The following RUNX1 variants were observed in gnomAD, a reference collection of about 807,000 sequenced individuals.
RUNX1 encodes the protein RUNX family transcription factor 1.
In RUNX1, 19 loss-of-function variants were observed where a neutral mutation model predicts 42.8. That is an observed-to-expected ratio of 0.44 (90% CI 0.31 to 0.65). The LOEUF (loss-of-function observed/expected upper bound fraction) is 0.65, where lower values mean the gene tolerates loss of function less well. Ranked by LOEUF, RUNX1 falls within the 30% of genes least tolerant of loss-of-function variation. The pLI is 0.07. For synonymous variants in RUNX1, 271 were observed against 289.4 expected, an observed-to-expected ratio of 0.94 and a Z score of 0.64; for missense variants, 528 against 672.0, an observed-to-expected ratio of 0.79 and a Z score of 2.37.
intron 2 of RUNX1, among the ~76,000 whole-genome samples, chr21:34,965,367 T>C (rs530916174): frequency 5.3e-5 from 8 of 152,296 alleles, no homozygotes; most frequent in Admixed American, 2.6e-4. Context: ...AGCGTTTTTA[T>C]GCAATCCTGA....
Position 35,037,475 on chromosome 21 carries a change from G to A in RUNX1, c.58+11367C>T, listed in dbSNP as rs1441331755. On this transcript the variant is annotated intron_variant, in intron 2 of 8. Coordinates refer to ENST00000675419, the MANE Select transcript of RUNX1 (RefSeq NM_001754.5). Reference sequence around the variant, plus strand: ...CCCCAGCTTGGTGCCACCCCACAGCGTCGCCTCCTGTCCATGGGGCCTTGG... The same window carrying A: ...CCCCAGCTTGGTGCCACCCCACAGCATCGCCTCCTGTCCATGGGGCCTTGG... 2.7e-4 allele frequency among the ~76,000 whole-genome samples: 41 copies of A among 152,200 alleles called. 1 individual carries two copies. Among genetic ancestry groups the A allele is most frequent in the Admixed American group, 2.4e-3 (37 of 15,278 alleles).
rs113782752 is a variant in RUNX1 at position 34,960,100 on chromosome 21, G to A, written c.59-67137C>T. ...CAGGCAGGGGTCCAGCACCAGATCG[G>A]GGCATCGGTCACAAGAGAGAAGCTT... On this transcript the variant is annotated intron_variant, in intron 2 of 8. Transcript: ENST00000675419. 9.6e-3 allele frequency among the ~76,000 whole-genome samples: 1,467 copies of A among 152,262 alleles called. 24 individuals are homozygous for A. The highest frequency in any genetic ancestry group is 0.029 in the African/African-American group (1,207 of 41,546).
chr21:34,829,375 T>G (rs2057032610), intron 7 of RUNX1, among the ~76,000 whole-genome samples: 1 of 152,214 alleles, frequency 6.6e-6, no homozygotes, highest in Non-Finnish European at 1.5e-5. Flanking sequence ...AGAAGAAATA[T>G]TTCATCACTA....
intron 3 of RUNX1, among the ~76,000 whole-genome samples, chr21:34,890,529 C>CTG (rs926492171): frequency 1.3e-5 from 2 of 152,104 alleles, no homozygotes; most frequent in Non-Finnish European, 2.9e-5. Context: ...TCTTGGCTAT[C>CTG]TGTGCTTCAG....
chr21:34,901,383 C>CGTGCCTG lies in RUNX1; in HGVS notation c.59-8427_59-8421dup, dbSNP rs2058176387. On this transcript the variant is annotated intron_variant, in intron 2 of 8. Transcript: ENST00000675419. This position sits in a 1 kb window ranked among gnomAD's most constrained non-coding sequence, Gnocchi z 4.3. Reference sequence around the variant, plus strand: ...AAAGTAGCTGGGCGTGGTGGCGGCGCGTGCCTGTAGTCCCAGCTACTCGAG... The same window carrying CGTGCCTG: ...AAAGTAGCTGGGCGTGGTGGCGGCGCGTGCCTGGTGCCTGTAGTCCCAGCTACTCGAG... Among the ~76,000 whole-genome samples, 1 of 151,980 alleles carries CGTGCCTG rather than the reference C, an allele frequency of 6.6e-6. No homozygotes were observed. The highest frequency in any genetic ancestry group is 6.6e-5 in the Admixed American group (1 of 15,252).
intron 7 of RUNX1, among the ~76,000 whole-genome samples, chr21:34,820,194 T>A (rs1473652642): frequency 1.3e-5 from 2 of 152,040 alleles, no homozygotes; most frequent in African/African-American, 4.8e-5. Flanking sequence ...CGGCTGGGGC[T>A]GCGGAGGGTG....
At chr21:34,876,184 A>G (rs903254419) in intron 5 of RUNX1, among the ~76,000 whole-genome samples, 1 of 152,166 alleles carries the variant, frequency 6.6e-6, no homozygotes, top group Non-Finnish European at 1.5e-5. Flanking sequence ...TGTCCTTTCA[A>G]TGACAGAATA....
At chr21:34,995,639 C>T (rs1174154817) in intron 2 of RUNX1, among the ~76,000 whole-genome samples, 1 of 152,022 alleles carries the variant, frequency 6.6e-6, no homozygotes, top group Non-Finnish European at 1.5e-5. Context: ...CAGGGTTTCG[C>T]CATGTTGCCC....
At chr21:35,033,058 C>G (rs1017187879) in intron 2 of RUNX1, among the ~76,000 whole-genome samples, 14 of 152,154 alleles carry the variant, frequency 9.2e-5, no homozygotes, top group African/African-American at 3.4e-4. Flanking sequence ...CCTGCCTATC[C>G]ATCCATTCAT....
At chr21:34,918,849 T>G (rs535298822) in intron 2 of RUNX1, among the ~76,000 whole-genome samples, 1 of 152,304 alleles carries the variant, frequency 6.6e-6, no homozygotes, top group East Asian at 1.9e-4. Context: ...GAGGTTGCAG[T>G]GAGCTGAGAT....
intron 2 of RUNX1, among the ~76,000 whole-genome samples, chr21:34,908,047 TG>T (rs1221692778): frequency 6.6e-6 from 1 of 152,202 alleles, no homozygotes; most frequent in Non-Finnish European, 1.5e-5. Context: ...AGAGCCGTTT[TG>T]CTACTTCTTT....
intron 6 of RUNX1, among the ~76,000 whole-genome samples, chr21:34,859,020 A>C (rs1282095202): frequency 6.6e-6 from 1 of 152,168 alleles, no homozygotes; most frequent in Non-Finnish European, 1.5e-5. Context: ...GGTCATTTTC[A>C]TAGTTTTCAT....
intron 7 of RUNX1, among the ~76,000 whole-genome samples, chr21:34,803,140 G>A (rs2056631227): frequency 6.6e-6 from 1 of 152,084 alleles, no homozygotes; most frequent in African/African-American, 2.4e-5. Flanking sequence ...GAGAGGAGCT[G>A]GGCTCAGGAG....
intron 5 of RUNX1, among the ~76,000 whole-genome samples, chr21:34,863,529 T>C (rs1377167824): frequency 6.6e-6 from 1 of 151,762 alleles, no homozygotes. Context: ...ATTATCTGAA[T>C]TCTCATTATT....
chr21:35,033,926 G>T (rs1291615661), intron 2 of RUNX1, among the ~76,000 whole-genome samples: 1 of 152,154 alleles, frequency 6.6e-6, no homozygotes, highest in Non-Finnish European at 1.5e-5. Context: ...AATTTTAAAA[G>T]AGTTAAGGGC....
At chr21:34,834,703 G>A in intron 6 of RUNX1, 102 bp from the exon 7 acceptor site, 2 of 1,037,766 alleles carry the variant, frequency 1.9e-6, no homozygotes, top group South Asian at 1.5e-5. Context: ...GGCTTTTCTT[G>A]TCTTTCCCCT....
intron 2 of RUNX1, among the ~76,000 whole-genome samples, chr21:35,026,600 C>T (rs376822529): frequency 3.3e-5 from 5 of 152,334 alleles, no homozygotes; most frequent in African/African-American, 1.2e-4. Flanking sequence ...ACTTCAGCTT[C>T]TCTTAAACGG....
At chr21:34,993,185 T>G (rs2058958950) in intron 2 of RUNX1, among the ~76,000 whole-genome samples, 3 of 152,186 alleles carry the variant, frequency 2.0e-5, no homozygotes, top group Admixed American at 2.0e-4. Flanking sequence ...CTTTTTAAAC[T>G]TCCCAGAGCA....
chr21:34,888,743 A>C, intron 3 of RUNX1: 1 of 984,522 alleles, frequency 1.0e-6, no homozygotes, highest in Non-Finnish European at 1.2e-6. Flanking sequence ...GGCCGGAGGA[A>C]TTCCATTCCC....
Sources: gnomAD v4.1 joint callset for allele counts (sites outside exome capture counted in the v4.1 genomes callset) on GRCh38, gnomAD v4.1.1 for gene constraint, Gnocchi (gnomAD v3.1) non-coding constraint, MANE v1.5 for transcripts, NCBI Gene and HGNC (gene_info 2026-07-23, HGNC 2026-07-21) for gene names.